NEK5: variants seen among roughly 807,000 people sequenced by gnomAD.
NEK5 encodes the protein serine/threonine-protein kinase Nek5.
In NEK5, 88 loss-of-function variants were observed where a neutral mutation model predicts 109.2. The ratio of observed to expected loss-of-function variants is 0.81; its 90% CI spans 0.68 to 0.96. The LOEUF (loss-of-function observed/expected upper bound fraction) is 0.96. Among genes scored for constraint, NEK5 ranks in the 40% least tolerant of loss-of-function variants. The pLI is 0.00. For synonymous variants in NEK5, 283 were observed against 299.9 expected (o/e 0.94, Z 0.58); for missense variants, 834 against 920.7 (o/e 0.91, Z 1.22).
chr13:52,063,028 C>G (rs1954626481), intron 21 of NEK5, among the ~76,000 whole-genome samples: 1 of 151,924 alleles, frequency 6.6e-6, no homozygotes, highest in Non-Finnish European at 1.5e-5. Context: ...ACAATCTCTC[C>G]CTCTCCCTCT....
intron 14 of NEK5, among the ~76,000 whole-genome samples, chr13:52,088,506 G>T (rs1045072272): frequency 5.3e-5 from 8 of 151,650 alleles, no homozygotes; most frequent in African/African-American, 1.9e-4. Context: ...GCCCACCTTG[G>T]CCTCCCAAAG....
intron 7 of NEK5, among the ~76,000 whole-genome samples, chr13:52,109,312 T>C (rs753676923): frequency 3.3e-5 from 5 of 152,168 alleles, no homozygotes; most frequent in Non-Finnish European, 7.3e-5. Context: ...TCAGGCACAG[T>C]TGACCAGCAT....
intron 22 of NEK5, among the ~76,000 whole-genome samples, chr13:52,050,425 C>T (rs1405690366): frequency 6.6e-6 from 1 of 152,044 alleles, no homozygotes. Context: ...GATAAAACAC[C>T]TCCACTTTTG....
chr13:52,059,927 A>G (rs1468335675), intron 22 of NEK5, among the ~76,000 whole-genome samples: 1 of 152,150 alleles, frequency 6.6e-6, no homozygotes, highest in African/African-American at 2.4e-5. Context: ...CACATTGTGC[A>G]CATGTACCCT....
Position 52,042,631 on chromosome 13 carries a change from C to T in NEK5, c.2229-5413G>A, listed in dbSNP as rs1285900907. On this transcript the variant is annotated intron_variant, in intron 23 of 23. Coordinates refer to ENST00000684899, the MANE Select transcript of NEK5 (RefSeq NM_001365552.1). ...AAAAAGCTTTTTAAGTAAAATTATA[C>T]TTCTATATTAAAATATCAGAATAAA... 2.0e-5 allele frequency among the ~76,000 whole-genome samples: 3 copies of T among 151,814 alleles called. No individual in the cohort carries two copies. In the East Asian group the frequency reaches 5.8e-4, roughly 29 times the overall value.
rs547504401 is a variant in NEK5 at position 52,094,837 on chromosome 13, C to G, written c.1027-1602G>C. ...AGAAAAATGGCACTTTCATATAGTTCTATTTAAATATTTAAGTAAATGTAT... is the reference window on the plus strand; with the variant it reads ...AGAAAAATGGCACTTTCATATAGTTGTATTTAAATATTTAAGTAAATGTAT... On this transcript the variant is annotated intron_variant, in intron 12 of 23. Transcript: ENST00000684899. Among the ~76,000 whole-genome samples, 9 of 152,266 alleles carry G rather than the reference C, an allele frequency of 5.9e-5. No individual in the cohort carries two copies. The South Asian group carries it at 1.9e-3, about 32-fold the overall frequency.
intron 16 of NEK5, 24 bp from the exon 17 acceptor site, chr13:52,083,376 C>A: frequency 1.4e-6 from 2 of 1,458,640 alleles, no homozygotes; most frequent in South Asian, 2.3e-5. Flanking sequence ...TATACACAGT[C>A]AACAAGATTG....
intron 22 of NEK5, among the ~76,000 whole-genome samples, chr13:52,054,840 A>C (rs1954539438): frequency 6.6e-6 from 1 of 152,200 alleles, no homozygotes; most frequent in Non-Finnish European, 1.5e-5. Context: ...AAAACCACAA[A>C]GATGGGGAAA....
intron 4 of NEK5, among the ~76,000 whole-genome samples, chr13:52,115,624 A>AG (rs959580481): frequency 6.6e-6 from 1 of 150,532 alleles, no homozygotes; most frequent in Non-Finnish European, 1.5e-5. Flanking sequence ...AAAAAAAAAA[A>AG]AAAGAAACTA....
Position 52,110,578 on chromosome 13 carries a change from CTA to C in NEK5, c.313-3_313-2del. 6.2e-7 allele frequency: 1 copy of C among 1,601,520 alleles called. No individual in the cohort carries two copies. The highest frequency in any genetic ancestry group is 8.5e-7 in the Non-Finnish European group (1 of 1,170,414). On this transcript the variant is annotated splice_acceptor_variant and splice_polypyrimidine_tract_variant and intron_variant, in intron 5 of 23. Transcript: ENST00000684899. LOFTEE classifies it high-confidence loss of function. ...AAATCTGTACAAACCAACCGAGGAT[CTA>C]TAGAGAGAACACAAAACAAAGCCAC...
At chr13:52,095,298 C>T (rs182061811) in intron 12 of NEK5, among the ~76,000 whole-genome samples, 1 of 152,070 alleles carries the variant, frequency 6.6e-6, no homozygotes, top group Non-Finnish European at 1.5e-5. Flanking sequence ...CTATATACAA[C>T]CTAGAAGAAA....
chr13:52,054,732 G>A (rs1226544123), intron 22 of NEK5, among the ~76,000 whole-genome samples: 1 of 152,244 alleles, frequency 6.6e-6, no homozygotes, highest in African/African-American at 2.4e-5. Flanking sequence ...ACCTGCAGCT[G>A]AGGGTCCTGT....
intron 16 of NEK5, among the ~76,000 whole-genome samples, chr13:52,085,224 C>A (rs1955117735): frequency 6.6e-6 from 1 of 152,196 alleles, no homozygotes; most frequent in Non-Finnish European, 1.5e-5. Context: ...TTCCCCTACA[C>A]AAGCTCTCTT....
At chr13:52,070,852 T>C (rs1954772891) in intron 20 of NEK5, among the ~76,000 whole-genome samples, 1 of 152,234 alleles carries the variant, frequency 6.6e-6, no homozygotes, top group African/African-American at 2.4e-5. Flanking sequence ...TTTAGGCACC[T>C]AGTATGTGCC....
At chr13:52,056,109 C>T (rs1954552609) in intron 22 of NEK5, among the ~76,000 whole-genome samples, 1 of 152,028 alleles carries the variant, frequency 6.6e-6, no homozygotes, top group African/African-American at 2.4e-5. Context: ...GAAGATCTAC[C>T]AAGCAAATGG....
At chr13:52,123,481 T>C (rs895142757) in intron 3 of NEK5, among the ~76,000 whole-genome samples, 4 of 152,250 alleles carry the variant, frequency 2.6e-5, no homozygotes, top group Non-Finnish European at 4.4e-5. Context: ...TCTCTTTACA[T>C]AGAATTAAAA....
chr13:52,096,399 G>A (rs1176572580), intron 12 of NEK5, among the ~76,000 whole-genome samples: 1 of 152,174 alleles, frequency 6.6e-6, no homozygotes, highest in African/African-American at 2.4e-5. Context: ...TGACCAAAAT[G>A]CTGATAGTGA....
chr13:52,080,227 GC>G (rs1380639347), intron 17 of NEK5, among the ~76,000 whole-genome samples: 3 of 135,552 alleles, frequency 2.2e-5, no homozygotes, highest in African/African-American at 5.2e-5. Flanking sequence ...GGGGGGGTCA[GC>G]CCCCCGCCCG....
At chr13:52,067,046 G>T (rs1190455754) in intron 20 of NEK5, among the ~76,000 whole-genome samples, 1 of 152,040 alleles carries the variant, frequency 6.6e-6, no homozygotes, top group Non-Finnish European at 1.5e-5. Context: ...ACTAGGATCT[G>T]TTTCTAACTT....
Sources: allele counts gnomAD v4.1 joint callset (sites outside exome capture counted in the v4.1 genomes callset), GRCh38; gene constraint gnomAD v4.1.1; transcripts MANE v1.5; gene names NCBI Gene and HGNC (gene_info 2026-07-23, HGNC 2026-07-21).